WDPCP: variants seen among roughly 807,000 people sequenced by gnomAD.
WDPCP encodes WD repeat-containing and planar cell polarity effector protein fritz homolog.
In WDPCP, 71 loss-of-function variants were observed where a neutral mutation model predicts 93.1. That is an observed-to-expected ratio of 0.76 (90% CI 0.63 to 0.93). The LOEUF is 0.93. Ranked by LOEUF, WDPCP falls within the 40% of genes least tolerant of loss-of-function variation. The probability of loss-of-function intolerance (pLI) is 0.00; values close to 1 mark genes in which losing one functional copy is unlikely to be tolerated. For synonymous variants in WDPCP, 315 were observed against 315.0 expected (o/e 1.00, Z 0.00); for missense variants, 844 against 887.4 (o/e 0.95, Z 0.62).
intron 1 of WDPCP, among the ~76,000 whole-genome samples, chr2:63,814,757 G>A (rs1458427621): frequency 6.6e-6 from 1 of 152,118 alleles, no homozygotes; most frequent in African/African-American, 2.4e-5. Flanking sequence ...TTTATCATAA[G>A]TTACACTATC....
intron 10 of WDPCP, among the ~76,000 whole-genome samples, chr2:63,393,361 A>T (rs1191768922): frequency 6.6e-6 from 1 of 152,034 alleles, no homozygotes; most frequent in African/African-American, 2.4e-5. Context: ...CAGGAAGGGG[A>T]ACATCACACA....
chr2:63,434,101 CA>C (rs1195529794), intron 8 of WDPCP, among the ~76,000 whole-genome samples, 165 bp from the exon 9 acceptor site: 1 of 152,050 alleles, frequency 6.6e-6, no homozygotes, highest in Non-Finnish European at 1.5e-5. Context: ...TCTTCTGACA[CA>C]TATATAAAAA....
At chr2:63,557,794 G>C (rs906298131) in intron 1 of WDPCP, among the ~76,000 whole-genome samples, 2 of 152,052 alleles carry the variant, frequency 1.3e-5, no homozygotes, top group African/African-American at 4.8e-5. Context: ...TATAAAAACA[G>C]TCTCTCAGAC....
At chr2:63,627,786 C>T (rs2106634124) in intron 3 of WDPCP, among the ~76,000 whole-genome samples, 1 of 152,290 alleles carries the variant, frequency 6.6e-6, no homozygotes, top group East Asian at 1.9e-4. Context: ...CTGCATTCAC[C>T]ACCCTTCAAT....
intron 6 of WDPCP, 135 bp from the exon 7 acceptor site, chr2:63,440,006 T>A: frequency 1.5e-6 from 1 of 658,148 alleles, no homozygotes; most frequent in Non-Finnish European, 2.7e-6. Flanking sequence ...ATAAAGATTT[T>A]CTTCACTGAA....
intron 17 of WDPCP, among the ~76,000 whole-genome samples, chr2:63,127,471 T>C (rs1336149899): frequency 1.3e-5 from 2 of 151,838 alleles, no homozygotes; most frequent in Non-Finnish European, 2.9e-5. Flanking sequence ...ATGAGAATAG[T>C]TTATCAATTA....
chr2:63,373,467 G>T (rs1691583971), intron 12 of WDPCP, among the ~76,000 whole-genome samples: 1 of 151,052 alleles, frequency 6.6e-6, no homozygotes, highest in South Asian at 2.1e-4. Context: ...TGTTGCTTGT[G>T]CTGGTCTCAA....
intron 3 of WDPCP, chr2:63,622,083 T>TC: frequency 9.9e-7 from 1 of 1,010,310 alleles, no homozygotes; most frequent in Non-Finnish European, 1.3e-6. Flanking sequence ...TTTTTTTTTT[T>TC]TGGAAGTTGA....
At chr2:63,835,179 G>C in the WDPCP span, among the ~76,000 whole-genome samples, 2 of 151,712 alleles carry the variant, frequency 1.3e-5, no homozygotes, top group Non-Finnish European at 2.9e-5. Flanking sequence ...TTGAGGTCAG[G>C]AGTTTGAGAC....
intron 2 of WDPCP, among the ~76,000 whole-genome samples, chr2:63,776,014 T>C (rs569969253): frequency 3.3e-5 from 5 of 151,974 alleles, no homozygotes; most frequent in East Asian, 2.0e-4. Flanking sequence ...CAGTGAGCTA[T>C]GATTGCACCA....
chr2:63,531,153 A>T (rs1703807272), intron 1 of WDPCP, among the ~76,000 whole-genome samples: 1 of 152,236 alleles, frequency 6.6e-6, no homozygotes, highest in African/African-American at 2.4e-5. Flanking sequence ...GGCATCTGCC[A>T]TTGCAGAGGC....
chr2:63,550,060 T>C (rs1379505911), intron 1 of WDPCP, among the ~76,000 whole-genome samples: 1 of 64,776 alleles, frequency 1.5e-5, no homozygotes, highest in Non-Finnish European at 2.7e-5. Flanking sequence ...AACCAATGCT[T>C]TCTCTCTCTC....
At chr2:63,165,406 T>A (rs376107968) in intron 15 of WDPCP, among the ~76,000 whole-genome samples, 2 of 152,106 alleles carry the variant, frequency 1.3e-5, no homozygotes, top group Non-Finnish European at 2.9e-5. Context: ...AAGTGTTGGA[T>A]TTTTTTCACT....
intron 3 of WDPCP, chr2:63,622,473 T>C: frequency 6.2e-7 from 1 of 1,613,938 alleles, no homozygotes; most frequent in Non-Finnish European, 8.5e-7. Flanking sequence ...CCAGCCGCTG[T>C]TGTCAGAGTT....
intron 6 of WDPCP, chr2:63,441,837 C>G (rs1697525209): frequency 6.6e-6 from 1 of 152,020 alleles, no homozygotes; most frequent in African/African-American, 2.4e-5. Flanking sequence ...TCACCAAAAA[C>G]TGAATATTCA....
chr2:63,130,728 T>C (rs1432365591), intron 17 of WDPCP, among the ~76,000 whole-genome samples: 4 of 152,102 alleles, frequency 2.6e-5, no homozygotes, highest in Non-Finnish European at 5.9e-5. Context: ...TGTAGTGTTT[T>C]TCAAGTCTTC....
intron 14 of WDPCP, chr2:63,229,776 C>G (rs1678655826): frequency 6.6e-6 from 1 of 151,296 alleles, no homozygotes; most frequent in South Asian, 2.1e-4. Flanking sequence ...GGGCTCTGTT[C>G]TGTTCCATTG....
At chr2:63,775,581 T>C (rs1313125302) in intron 2 of WDPCP, among the ~76,000 whole-genome samples, 1 of 152,230 alleles carries the variant, frequency 6.6e-6, no homozygotes, top group African/African-American at 2.4e-5. Flanking sequence ...AAAGTATGCA[T>C]CTTTAGCTTC....
intron 17 of WDPCP, among the ~76,000 whole-genome samples, chr2:63,142,553 A>G (rs1358673955): frequency 2.0e-5 from 3 of 152,144 alleles, no homozygotes; most frequent in Non-Finnish European, 4.4e-5. Flanking sequence ...TTTATGGGCT[A>G]TCATGTGCTG....
Sources: gnomAD v4.1 joint callset for allele counts (sites outside exome capture counted in the v4.1 genomes callset) on GRCh38, gnomAD v4.1.1 for gene constraint, MANE v1.5 for transcripts, NCBI Gene and HGNC (gene_info 2026-07-23, HGNC 2026-07-21) for gene names.